SRGAP3: variants seen among roughly 807,000 people sequenced by gnomAD.
SRGAP3 encodes the protein SLIT-ROBO Rho GTPase activating protein 3.
A neutral mutation model predicts 121.1 loss-of-function variants in SRGAP3; 39 were observed. The ratio of observed to expected loss-of-function variants is 0.32; its 90% confidence interval spans 0.25 to 0.42. The LOEUF is 0.42. Ranked by LOEUF, SRGAP3 falls within the 10% of genes least tolerant of loss-of-function variation. The pLI is 1.00. For synonymous variants in SRGAP3, 601 were observed against 570.0 expected, an observed-to-expected ratio of 1.05 and a Z score of -0.77; for missense variants, 1,213 against 1,470.6, an observed-to-expected ratio of 0.82 and a Z score of 2.86.
At chr3:9,219,606 T>G (rs1208133526) in intron 1 of SRGAP3, 1 of 152,230 alleles carries the variant, frequency 6.6e-6, no homozygotes, top group East Asian at 1.9e-4. Flanking sequence ...ATCCCAGCAC[T>G]TTGGGAGGCC....
At chr3:9,183,173 T>A (rs1382412605) in intron 1 of SRGAP3, among the ~76,000 whole-genome samples, 1 of 152,150 alleles carries the variant, frequency 6.6e-6, no homozygotes, top group East Asian at 1.9e-4. Flanking sequence ...ACCAGGAAAA[T>A]GGCCAAGTTG....
In SRGAP3 at chr3:9,190,330, T is replaced by C. The variant is rs558141531; in HGVS notation, c.67+58555A>G. On this transcript the variant is annotated intron_variant, in intron 1 of 21. Coordinates refer to ENST00000383836, the MANE Select transcript of SRGAP3 (RefSeq NM_014850.4). ...ATGACAGGAAGCACCAGTGAGTGAT[T>C]TAGAAGGCAGGAGATGAGAACAGGC... Among the ~76,000 whole-genome samples, 22 of 152,244 alleles carry C rather than the reference T, an allele frequency of 1.4e-4. No homozygotes were observed. In the South Asian group the frequency reaches 3.7e-3, roughly 26 times the overall value.
intron 8 of SRGAP3, among the ~76,000 whole-genome samples, chr3:9,054,101 T>C (rs1945709348): frequency 6.6e-6 from 1 of 152,254 alleles, no homozygotes; most frequent in South Asian, 2.1e-4. Flanking sequence ...ATTTCTTGGC[T>C]TCTTTTTGTG....
chr3:9,229,068 CAA>C (rs61231273), intron 1 of SRGAP3, among the ~76,000 whole-genome samples: 4,954 of 73,780 alleles, frequency 0.067, 210 homozygotes, highest in African/African-American at 0.23. Flanking sequence ...GACTCCGTCT[CAA>C]AAAAAAAAAA....
At chr3:9,268,052 G>A (rs190199300) in intron 3 of SRGAP3, among the ~76,000 whole-genome samples, 12 of 152,248 alleles carry the variant, frequency 7.9e-5, no homozygotes, top group South Asian at 2.1e-4. Flanking sequence ...GCAAGGACCC[G>A]AGGCCCTCAT....
intron 1 of SRGAP3, among the ~76,000 whole-genome samples, chr3:9,215,684 A>C (rs761917569): frequency 2.6e-5 from 4 of 152,230 alleles, no homozygotes; most frequent in Non-Finnish European, 4.4e-5. Flanking sequence ...ACAAAGGCAG[A>C]GGAAAGGCAC....
rs1947165852 is a variant in SRGAP3, at chr3:9,080,011, T to C, written c.486+14A>G. 1 of 1,614,032 alleles carries C rather than the reference T, an allele frequency of 6.2e-7. No individual in the cohort carries two copies. Among genetic ancestry groups the C allele is most frequent in the South Asian group, 1.1e-5 (1 of 91,058 alleles). ...CCCAATCCCAAAACAGCAGTGAGCC[T>C]GGGCAGAACTTACTGTGTAGAGCTC... On this transcript the variant is annotated intron_variant, in intron 4 of 21. Transcript: ENST00000383836.
chr3:9,017,097 G>A (rs79861663), intron 14 of SRGAP3, among the ~76,000 whole-genome samples: 4 of 152,054 alleles, frequency 2.6e-5, no homozygotes, highest in Admixed American at 6.5e-5. Flanking sequence ...TTTCTCCAGC[G>A]GGCTCTGTTT....
intron 3 of SRGAP3, among the ~76,000 whole-genome samples, chr3:9,320,770 T>C (rs1955426644): frequency 6.6e-6 from 1 of 151,876 alleles, no homozygotes; most frequent in African/African-American, 2.4e-5. Context: ...TCATGACAAA[T>C]TGATCACCTT....
intron 1 of SRGAP3, among the ~76,000 whole-genome samples, chr3:9,178,300 C>T (rs1951252675): frequency 6.6e-6 from 1 of 151,976 alleles, no homozygotes; most frequent in Non-Finnish European, 1.5e-5. Context: ...ATAAGATAAG[C>T]CTGGGGCAGC....
At chr3:8,987,104 A>G (rs1367790594) in intron 21 of SRGAP3, among the ~76,000 whole-genome samples, 2 of 152,244 alleles carry the variant, frequency 1.3e-5, no homozygotes, top group Non-Finnish European at 2.9e-5. Flanking sequence ...TTGTTCATCT[A>G]TTACAATCCC....
intron 1 of SRGAP3, chr3:9,349,996 A>G (rs551100897): frequency 6.6e-6 from 1 of 152,120 alleles, no homozygotes; most frequent in East Asian, 1.9e-4. Context: ...GCCCTGACAC[A>G]TGGGCCCAGT....
intron 3 of SRGAP3, among the ~76,000 whole-genome samples, chr3:9,316,571 A>G (rs1217979517): frequency 2.1e-4 from 32 of 152,164 alleles, no homozygotes; most frequent in Admixed American, 2.1e-3. Flanking sequence ...GAGGCAGGAG[A>G]ATGGCTTGAA....
intron 1 of SRGAP3, among the ~76,000 whole-genome samples, chr3:9,161,256 C>A (rs1950590289): frequency 6.6e-6 from 1 of 152,224 alleles, no homozygotes. Flanking sequence ...GTCAGTATCA[C>A]CAGTAATGGG....
intron 3 of SRGAP3, among the ~76,000 whole-genome samples, chr3:9,103,161 T>C (rs912641513): frequency 6.6e-6 from 1 of 152,212 alleles, no homozygotes; most frequent in Admixed American, 6.5e-5. Context: ...ATTACACTTT[T>C]GCTATAGAAG....
chr3:9,312,757 G>T (rs1321744034), intron 3 of SRGAP3, among the ~76,000 whole-genome samples: 1 of 152,120 alleles, frequency 6.6e-6, no homozygotes, highest in Non-Finnish European at 1.5e-5. Context: ...GGCTGAGTTG[G>T]GGGGAATGCT....
intron 1 of SRGAP3, among the ~76,000 whole-genome samples, chr3:9,339,311 A>T (rs1022078205): frequency 1.3e-5 from 2 of 152,268 alleles, no homozygotes; most frequent in Non-Finnish European, 2.9e-5. Flanking sequence ...GAGCACTCTC[A>T]CAGTGGCAAA....
intron 1 of SRGAP3, among the ~76,000 whole-genome samples, chr3:9,129,697 G>T (rs1560218371): frequency 6.6e-6 from 1 of 151,866 alleles, no homozygotes. Flanking sequence ...TTTAAGCTCT[G>T]AGGGCAGATT....
chr3:9,235,236 A>C (rs1414388858), intron 1 of SRGAP3, among the ~76,000 whole-genome samples: 1 of 152,162 alleles, frequency 6.6e-6, no homozygotes, highest in Admixed American at 6.5e-5. Flanking sequence ...TAGGCCTATG[A>C]TTATTTTCCT....
Sources: allele counts gnomAD v4.1 joint callset (sites outside exome capture counted in the v4.1 genomes callset), GRCh38; gene constraint gnomAD v4.1.1; transcripts MANE v1.5; gene names NCBI Gene and HGNC (gene_info 2026-07-23, HGNC 2026-07-21).